The following POLE2 variants were observed in gnomAD, a reference collection of about 807,000 sequenced individuals.
The protein encoded by POLE2 is DNA polymerase epsilon 2, accessory subunit.
A neutral mutation model predicts 79.4 loss-of-function variants in POLE2; 56 were observed. The observed-to-expected ratio is 0.71, with a 90% CI of 0.57 to 0.88. The LOEUF (loss-of-function observed/expected upper bound fraction) is 0.88. Among genes scored for constraint, POLE2 ranks in the 40% least tolerant of loss-of-function variants. POLE2 has a pLI of 0.00. For synonymous variants in POLE2, 212 were observed against 214.0 expected (o/e 0.99, Z 0.08); for missense variants, 598 against 638.9 (o/e 0.94, Z 0.69).
chr14:49,688,196 G>A lies in POLE2; in HGVS notation c.8C>T (p.Pro3Leu), dbSNP rs1165461642. The A allele has an allele frequency of 5.2e-6, 8 of 1,530,650 alleles. No homozygotes were observed. The highest frequency in any genetic ancestry group is 6.1e-6 in the Non-Finnish European group (7 of 1,140,528). The allele number at this position is 1,530,650 out of a possible 1,614,324, so 94.8% of individuals were successfully genotyped here. ...GAGCGCCCGGCTCCGCAGCCGCTCC[G>A]GCGCCATATTTGCGATTTGGCGCCA... is the stretch of plus-strand genomic sequence containing the variant. Reference protein sequence around the residue: MAPERLRSRALSA... With the variant: MALERLRSRALSA... Residue 3 changes from proline to leucine, a missense_variant, in exon 1 of 19, where the codon CCG becomes CTG. Pro to Leu is a moderately conservative substitution (Grantham distance 98). Coordinates refer to ENST00000216367, the MANE Select transcript of POLE2 (RefSeq NM_002692.4).
chr14:49,675,521 T>G (rs1049030501), intron 3 of POLE2, among the ~76,000 whole-genome samples: 1 of 151,868 alleles, frequency 6.6e-6, no homozygotes, highest in South Asian at 2.1e-4. Context: ...AACCTCTTCC[T>G]CCCGGCCTCA....
chr14:49,652,779 A>G (rs576859368), intron 15 of POLE2, among the ~76,000 whole-genome samples: 1 of 152,200 alleles, frequency 6.6e-6, no homozygotes, highest in East Asian at 1.9e-4. Context: ...GTTTTATTAT[A>G]TATTATAATG....
intron 5 of POLE2, among the ~76,000 whole-genome samples, chr14:49,673,177 C>T (rs1418191989): frequency 1.3e-5 from 2 of 152,146 alleles, no homozygotes; most frequent in African/African-American, 4.8e-5. Context: ...CCACTTCCTT[C>T]ATCCAGGCTA....
intron 3 of POLE2, among the ~76,000 whole-genome samples, chr14:49,679,314 G>A (rs1345515187): frequency 6.6e-6 from 1 of 152,128 alleles, no homozygotes; most frequent in Non-Finnish European, 1.5e-5. Context: ...ACAAAACTGA[G>A]GTCCTACCCT....
intron 3 of POLE2, among the ~76,000 whole-genome samples, chr14:49,676,676 T>C (rs1886298789): frequency 6.6e-6 from 1 of 152,234 alleles, no homozygotes; most frequent in African/African-American, 2.4e-5. Flanking sequence ...AGGCCAGGGA[T>C]GGGCCTGAGC....
chr14:49,654,506 C>T, intron 13 of POLE2: 1 of 452,954 alleles, frequency 2.2e-6, no homozygotes. Context: ...AGACATGTGG[C>T]CAGTGACTAT....
intron 3 of POLE2, among the ~76,000 whole-genome samples, chr14:49,678,086 G>A (rs1886427279): frequency 6.6e-6 from 1 of 151,144 alleles, no homozygotes; most frequent in Non-Finnish European, 1.5e-5. Context: ...TGCAACCTCC[G>A]CCTCCCGGGT....
chr14:49,654,714 A>G, intron 13 of POLE2, 70 bp downstream of exon 13: 1 of 1,457,914 alleles, frequency 6.9e-7, no homozygotes, highest in South Asian at 1.5e-5. Flanking sequence ...TTGCTGATAT[A>G]ACAAAATTCA....
chr14:49,650,172 C>T (rs1046549360), intron 17 of POLE2, 93 bp downstream of exon 17: 19 of 625,852 alleles, frequency 3.0e-5, no homozygotes, highest in South Asian at 2.7e-4. Context: ...ATTTTTACTT[C>T]GACAATAATC....
chr14:49,684,983 T>A (rs904268665), intron 1 of POLE2, among the ~76,000 whole-genome samples: 10 of 151,686 alleles, frequency 6.6e-5, no homozygotes, highest in African/African-American at 1.2e-4. Context: ...TCAAAAAAAA[T>A]AAATAAATAA....
At position 49,674,436 on chromosome 14, in the gene POLE2, C is replaced by T; in HGVS notation, c.246-9G>A. The T allele has an allele frequency of 6.3e-7, 1 of 1,574,994 alleles. No homozygotes were observed. Among genetic ancestry groups the T allele is most frequent in the Non-Finnish European group, 8.7e-7 (1 of 1,146,282 alleles). ...TATTGAAAACGTGCTCTCTGAAAAACATCCCACAAAATACAGACCTGATTT... is the reference window on the plus strand; with the variant it reads ...TATTGAAAACGTGCTCTCTGAAAAATATCCCACAAAATACAGACCTGATTT... On this transcript the variant is annotated splice_polypyrimidine_tract_variant and intron_variant, in intron 3 of 18. Transcript: ENST00000216367.
intron 10 of POLE2, among the ~76,000 whole-genome samples, chr14:49,660,122 T>A (rs372438874): frequency 6.6e-6 from 1 of 152,342 alleles, no homozygotes; most frequent in African/African-American, 2.4e-5. Context: ...TTTTACTTTA[T>A]CTTTTCTGTA....
At chr14:49,668,776 A>G (rs960306399) in intron 6 of POLE2, among the ~76,000 whole-genome samples, 2 of 152,162 alleles carry the variant, frequency 1.3e-5, no homozygotes, top group Admixed American at 1.3e-4. Context: ...GTCAATTTCT[A>G]AAATCTAATT....
At chr14:49,675,273 G>A (rs867524989) in intron 3 of POLE2, among the ~76,000 whole-genome samples, 21 of 151,544 alleles carry the variant, frequency 1.4e-4, no homozygotes, top group South Asian at 6.3e-4. Context: ...TAACAAAGAC[G>A]GGGTTTCTTT....
intron 9 of POLE2, 57 bp downstream of exon 9, chr14:49,664,569 G>A: frequency 3.7e-6 from 4 of 1,081,366 alleles, no homozygotes; most frequent in Non-Finnish European, 5.7e-6. Context: ...TTTACCCAAA[G>A]CAGAAAGTTT....
At chr14:49,682,640 G>GAAAAAAAAAAAAAAAAAA (rs35984833) in intron 2 of POLE2, among the ~76,000 whole-genome samples, 12 of 60,980 alleles carry the variant, frequency 2.0e-4, no homozygotes, top group African/African-American at 6.3e-4. Flanking sequence ...CCTTCTCAGG[G>GAAAAAAAAAAAAAAAAAA]AAAAAAAAAA....
chr14:49,655,553 T>A (rs905499200), intron 11 of POLE2, 118 bp downstream of exon 11: 2 of 729,176 alleles, frequency 2.7e-6, no homozygotes, highest in African/African-American at 3.8e-5. Context: ...AATTATCTCA[T>A]TGCTAACTCT....
intron 3 of POLE2, chr14:49,677,931 G>A (rs1594611029): frequency 3.3e-6 from 1 of 306,578 alleles, no homozygotes; most frequent in Non-Finnish European, 6.0e-6. Context: ...GGCGCCTTGT[G>A]CCTTGGAAAG....
intron 18 of POLE2, among the ~76,000 whole-genome samples, chr14:49,644,620 T>A (rs2139595840): frequency 6.6e-6 from 1 of 152,314 alleles, no homozygotes; most frequent in East Asian, 1.9e-4. Context: ...TACACCTTTT[T>A]TCCATTAGTA....
Sources: allele counts gnomAD v4.1 joint callset (sites outside exome capture counted in the v4.1 genomes callset), GRCh38; gene constraint gnomAD v4.1.1; transcripts MANE v1.5; gene names NCBI Gene and HGNC (gene_info 2026-07-23, HGNC 2026-07-21).